The following TRAF3 variants were observed in gnomAD, a reference collection of about 807,000 sequenced individuals.
The protein encoded by TRAF3 is TNF receptor associated factor 3, also known as TNF receptor-associated factor 3.
A neutral mutation model predicts 62.3 loss-of-function variants in TRAF3; 13 were observed. The ratio of observed to expected loss-of-function variants is 0.21; its 90% CI spans 0.14 to 0.33. TRAF3 has a LOEUF of 0.33. Among genes scored for constraint, TRAF3 ranks in the 10% least tolerant of loss-of-function variants. The pLI is 1.00. For synonymous variants in TRAF3, 269 were observed against 283.4 expected (o/e 0.95, Z 0.51); for missense variants, 440 against 741.8 (o/e 0.59, Z 4.73).
chr14:102,793,469 A>G (rs1897909837), intron 1 of TRAF3, among the ~76,000 whole-genome samples: 1 of 152,092 alleles, frequency 6.6e-6, no homozygotes, highest in Admixed American at 6.5e-5. Flanking sequence ...TTGTATTTTG[A>G]CTGTGCATCA....
intron 1 of TRAF3, among the ~76,000 whole-genome samples, chr14:102,816,883 T>C (rs887015079): frequency 1.3e-5 from 2 of 152,200 alleles, no homozygotes; most frequent in Non-Finnish European, 2.9e-5. Flanking sequence ...ATCTAGCGCA[T>C]GCAGACTCGA....
At chr14:102,891,872 G>A (rs1024124940) in intron 9 of TRAF3, among the ~76,000 whole-genome samples, 2 of 152,024 alleles carry the variant, frequency 1.3e-5, no homozygotes, top group African/African-American at 2.4e-5. Context: ...TTGCCAGCCC[G>A]GACCTGGGTG....
intron 1 of TRAF3, among the ~76,000 whole-genome samples, 155 bp from the exon 2 acceptor site, chr14:102,830,169 CTCTGTAGAAT>C (rs1200565061): frequency 2.0e-5 from 3 of 152,174 alleles, no homozygotes; most frequent in Admixed American, 1.3e-4. Context: ...TGTTTTCATG[CTCTGTAGAAT>C]TCATTCTCTT....
intron 9 of TRAF3, chr14:102,895,296 C>T: frequency 3.4e-6 from 1 of 297,072 alleles, no homozygotes; most frequent in South Asian, 3.0e-5. Flanking sequence ...ATATTTTGCC[C>T]ATGAGACATT....
Position 102,910,480 on chromosome 14 carries a change from A to G in TRAF3, c.*4696A>G, listed in dbSNP as rs949523524. The G allele has an allele frequency of 2.6e-5, 4 of 152,268 alleles. No individual in the cohort carries two copies. Among genetic ancestry groups the G allele is most frequent in the East Asian group, 3.8e-4 (2 of 5,210 alleles). The allele number at this position is 152,268 out of a possible 1,614,324, so 9.4% of individuals were successfully genotyped here. A position where few individuals can be genotyped will look rare whatever the true frequency, so the allele number is the denominator to read the frequency against. On this transcript the variant is annotated 3_prime_UTR_variant, in exon 12 of 12. Transcript: ENST00000392745. ...ACCGGGGTCCTAGCCAGGCGAGGTC[A>G]GTGTCGGCAGGCTACCTGGTCATTA...
intron 2 of TRAF3, among the ~76,000 whole-genome samples, chr14:102,860,948 A>G (rs1311089825): frequency 6.6e-6 from 1 of 152,258 alleles, no homozygotes; most frequent in Non-Finnish European, 1.5e-5. Flanking sequence ...TCTCAGGGAC[A>G]TTTCTCAACA....
intron 3 of TRAF3, 126 bp downstream of exon 3, chr14:102,870,572 T>TC (rs1888282204): frequency 2.1e-5 from 28 of 1,321,106 alleles, no homozygotes; most frequent in Non-Finnish European, 2.7e-5. Context: ...CATAAAAGCC[T>TC]CCGGGCCCAG....
intron 2 of TRAF3, among the ~76,000 whole-genome samples, chr14:102,856,172 T>A (rs987025850): frequency 6.6e-6 from 1 of 151,992 alleles, no homozygotes; most frequent in African/African-American, 2.4e-5. Flanking sequence ...GGTTTTGATT[T>A]GTATTTTCTT....
At chr14:102,822,002 A>G (rs904917527) in intron 1 of TRAF3, among the ~76,000 whole-genome samples, 1 of 152,220 alleles carries the variant, frequency 6.6e-6, no homozygotes, top group Non-Finnish European at 1.5e-5. Context: ...AGATTGTGCC[A>G]CTGCACTCCA....
chr14:102,841,597 C>T (rs557389561), intron 2 of TRAF3, among the ~76,000 whole-genome samples: 3 of 152,342 alleles, frequency 2.0e-5, no homozygotes, highest in African/African-American at 7.2e-5. Flanking sequence ...CTTGCCCTAA[C>T]TGATTACAGA....
At chr14:102,872,731 G>T (rs886191248) in intron 4 of TRAF3, among the ~76,000 whole-genome samples, 1 of 148,084 alleles carries the variant, frequency 6.8e-6, no homozygotes, top group African/African-American at 2.5e-5. Context: ...CACTCTTGTT[G>T]CACAGGCTGG....
intron 5 of TRAF3, 151 bp downstream of exon 5, chr14:102,875,879 C>T: frequency 4.2e-6 from 3 of 713,208 alleles, no homozygotes; most frequent in Non-Finnish European, 7.4e-6. Flanking sequence ...CAGTCAGAAC[C>T]ACTTGAGTAT....
chr14:102,851,078 T>C (rs891266285), intron 2 of TRAF3, among the ~76,000 whole-genome samples: 1 of 152,210 alleles, frequency 6.6e-6, no homozygotes, highest in Non-Finnish European at 1.5e-5. Context: ...ATGCCAAACA[T>C]TAATTGGCAA....
chr14:102,864,357 C>T (rs906246586), intron 2 of TRAF3, among the ~76,000 whole-genome samples: 6 of 151,878 alleles, frequency 4.0e-5, no homozygotes, highest in African/African-American at 1.5e-4. Context: ...ACCGTGTTAG[C>T]CGGGATGGTC....
intron 2 of TRAF3, among the ~76,000 whole-genome samples, chr14:102,857,262 G>GA (rs1376364390): frequency 6.6e-6 from 1 of 151,898 alleles, no homozygotes; most frequent in African/African-American, 2.4e-5. Context: ...CTAAGTTGCA[G>GA]AAAAAAAACT....
intron 2 of TRAF3, among the ~76,000 whole-genome samples, chr14:102,841,280 C>T (rs1440338081): frequency 2.0e-5 from 3 of 152,136 alleles, no homozygotes; most frequent in Non-Finnish European, 4.4e-5. Flanking sequence ...TGCAGAAGGG[C>T]CCCCTTGAGG....
chr14:102,850,861 G>T (rs962950543), intron 2 of TRAF3, among the ~76,000 whole-genome samples: 1 of 152,112 alleles, frequency 6.6e-6, no homozygotes, highest in East Asian at 1.9e-4. Context: ...TTGCTTAGTG[G>T]ATCTGTTGTT....
intron 2 of TRAF3, among the ~76,000 whole-genome samples, chr14:102,837,380 C>G (rs1886089787): frequency 6.6e-6 from 1 of 152,092 alleles, no homozygotes; most frequent in East Asian, 1.9e-4. Flanking sequence ...CTCAAGTGAT[C>G]CTTCCACCTT....
intron 2 of TRAF3, among the ~76,000 whole-genome samples, chr14:102,854,750 C>T (rs1887260649): frequency 6.6e-6 from 1 of 150,622 alleles, no homozygotes; most frequent in African/African-American, 2.4e-5. Context: ...ATCTGCCCAC[C>T]TCAGCCTTTC....
Sources: allele counts gnomAD v4.1 joint callset (sites outside exome capture counted in the v4.1 genomes callset), GRCh38; gene constraint gnomAD v4.1.1; transcripts MANE v1.5; gene names NCBI Gene and HGNC (gene_info 2026-07-23, HGNC 2026-07-21).